HBB: variants seen among roughly 807,000 people sequenced by gnomAD.
HBB encodes the protein hemoglobin subunit beta, also known as Hb Monza protein.
Under a neutral mutation model 9.7 loss-of-function variants are expected in HBB, and 18 were observed. The ratio of observed to expected loss-of-function variants is 1.86; its 90% confidence interval spans 1.28 to 2.76. The LOEUF (loss-of-function observed/expected upper bound fraction) is 2.76, where lower values mean the gene tolerates loss of function less well. Ranked by LOEUF, HBB falls within the 30% of genes most tolerant of loss-of-function variation. The pLI is 0.00. For missense variants in HBB, 156 were observed against 177.0 expected (o/e 0.88, Z 0.67); for synonymous variants, 99 against 73.6 (o/e 1.35, Z -1.77).
chr11:5,226,642 C>A lies in HBB; in HGVS notation c.250G>T (p.Gly84Cys), dbSNP rs33930385. 1 of 1,614,094 alleles carries A rather than the reference C, an allele frequency of 6.2e-7. No homozygotes were observed. Among genetic ancestry groups the A allele is most frequent in the Non-Finnish European group, 8.5e-7 (1 of 1,180,020 alleles). The change falls in exon 2 of 3, where the codon GGC (glycine) becomes TGC (cysteine). Residue 84 changes from glycine to cysteine, a missense_variant. Transcript: ENST00000335295. ...AGCTCACTCAGTGTGGCAAAGGTGC[C>A]CTTGAGGTTGTCCAGGTGAGCCAGG... Reference protein sequence around the residue: ...DGLAHLDNLKGTFATLSELHC... With the variant: ...DGLAHLDNLKCTFATLSELHC...
In HBB at chr11:5,226,372, AG is replaced by A; in HGVS notation, c.315+204del. 1.6e-6 allele frequency: 1 copy of A among 618,106 alleles called. No individual in the cohort carries two copies. The highest frequency in any genetic ancestry group is 2.8e-6 in the Non-Finnish European group (1 of 353,266). 38.3% of individuals were successfully genotyped at this position (618,106 alleles called of 1,614,324 possible). On this transcript the variant is annotated intron_variant, in intron 2 of 2. Coordinates refer to ENST00000335295, the MANE Select transcript of HBB (RefSeq NM_000518.5). ...TAAAAATTGCGGAGAAGAAAAAAAA[AG>A]AAAGCAAGAATTAAACAAAAGAAAA... is the stretch of plus-strand genomic sequence containing the variant.
chr11:5,226,049 A>G lies in HBB; in HGVS notation c.316-323T>C, dbSNP rs1589891857. On this transcript the variant is annotated intron_variant, in intron 2 of 2. Coordinates refer to ENST00000335295, the MANE Select transcript of HBB (RefSeq NM_000518.5). ...TTAGAAATAAGATAAACAAAAAAGT[A>G]TATTAAAAGAAGAAAGCATTTTTTA... 6.6e-6 allele frequency among the ~76,000 whole-genome samples: 1 copy of G among 152,198 alleles called. No homozygotes were observed. Among genetic ancestry groups the G allele is most frequent in the African/African-American group, 2.4e-5 (1 of 41,442 alleles).
In HBB at chr11:5,225,678, C is replaced by A. The variant is rs33946267; in HGVS notation, c.364G>T (p.Glu122Ter). ...VCVLAHHFGK[E>*]FTPPVQAAYQ... ...GCAGCCTGCACTGGTGGGGTGAATT[C>A]TTTGCCAAAGTGATGGGCCAGCACA... Residue 122 changes from glutamate (E) to a stop codon, truncating the protein, a stop_gained, in exon 3 of 3, where the codon GAA (glutamate) becomes TAA (stop). Coordinates refer to ENST00000335295, the MANE Select transcript of HBB (RefSeq NM_000518.5). LOFTEE classifies it high-confidence loss of function. The A allele has an allele frequency of 1.2e-6, 2 of 1,614,098 alleles. No homozygotes were observed. Among genetic ancestry groups the A allele is most frequent in the Non-Finnish European group, 1.7e-6 (2 of 1,179,974 alleles).
Position 5,227,013 on chromosome 11 carries a change from A to T in HBB, c.9T>A (p.His3Gln), listed in dbSNP as rs713040. 2 of 1,607,340 alleles carry T rather than the reference A, an allele frequency of 1.2e-6. No individual in the cohort carries two copies. The highest frequency in any genetic ancestry group is 1.7e-6 in the Non-Finnish European group (2 of 1,173,980). Residue 3 changes from histidine to glutamine, a missense_variant, in exon 1 of 3, where the codon CAT (histidine) becomes CAA (glutamine). Coordinates refer to ENST00000335295, the MANE Select transcript of HBB (RefSeq NM_000518.5). Reference sequence around the variant, plus strand: ...CGGCAGACTTCTCCTCAGGAGTCAGATGCACCATGGTGTCTGTTTGAGGTT... The same window carrying T: ...CGGCAGACTTCTCCTCAGGAGTCAGTTGCACCATGGTGTCTGTTTGAGGTT... MV[H>Q]LTPEEKSAVT... is the part of the protein sequence containing the mutation.
In HBB at chr11:5,226,674, C is replaced by CT. The variant is rs33969853; in HGVS notation, c.217dup (p.Ser73LysfsTer2). On this transcript the variant is annotated frameshift_variant, in exon 2 of 3. Transcript: ENST00000335295. LOFTEE classifies it high-confidence loss of function. The stretch of plus-strand genomic sequence containing the variant: ...GTTGTCCAGGTGAGCCAGGCCATCA[C>CT]TAAAGGCACCGAGCACTTTCTTGCC... 1.2e-6 allele frequency: 2 copies of CT among 1,614,140 alleles called. No homozygotes were observed. The highest frequency in any genetic ancestry group is 4.5e-5 in the East Asian group (2 of 44,866).
Position 5,225,592 on chromosome 11 carries a change from G to T in HBB, c.*6C>A, listed in dbSNP as rs34809925. 1.2e-6 allele frequency: 2 copies of T among 1,614,102 alleles called. No homozygotes were observed. Among genetic ancestry groups the T allele is most frequent in the Non-Finnish European group, 1.7e-6 (2 of 1,179,954 alleles). The stretch of plus-strand genomic sequence containing the variant: ...TTAATAGAAATTGGACAGCAAGAAA[G>T]CGAGCTTAGTGATACTTGTGGGCCA... On this transcript the variant is annotated 3_prime_UTR_variant, in exon 3 of 3. Coordinates refer to ENST00000335295, the MANE Select transcript of HBB (RefSeq NM_000518.5).
rs1019464875 is a variant in HBB, at chr11:5,226,401, A to G, written c.315+176T>C. 1.5e-6 allele frequency: 1 copy of G among 655,320 alleles called. No individual in the cohort carries two copies. The highest frequency in any genetic ancestry group is 1.8e-5 in the African/African-American group (1 of 54,646). The allele number at this position is 655,320 out of a possible 1,614,324, so 40.6% of individuals were successfully genotyped here. A position where few individuals can be genotyped will look rare whatever the true frequency, so the allele number is the denominator to read the frequency against. On this transcript the variant is annotated intron_variant, in intron 2 of 2. Transcript: ENST00000335295. ...AGCAAGAATTAAACAAAAGAAAACA[A>G]TTGTTATGAACAGCAAATAAAAGAA... is the stretch of plus-strand genomic sequence containing the variant.
Position 5,226,627 on chromosome 11 carries a change from G to T in HBB, c.265C>A (p.Leu89Met). The stretch of plus-strand genomic sequence containing the variant: ...AGCTTGTCACAGTGCAGCTCACTCA[G>T]TGTGGCAAAGGTGCCCTTGAGGTTG... ...LDNLKGTFAT[L>M]SELHCDKLHV... Residue 89 changes from leucine to methionine, a missense_variant, in exon 2 of 3, where the codon CTG (leucine) becomes ATG (methionine). Physicochemically the swap from Leu to Met is conservative, Grantham distance 15. Transcript: ENST00000335295. 6.2e-7 allele frequency: 1 copy of T among 1,614,140 alleles called. No individual in the cohort carries two copies. Among genetic ancestry groups the T allele is most frequent in the Non-Finnish European group, 8.5e-7 (1 of 1,180,024 alleles).
chr11:5,225,816 TA>T lies in HBB; in HGVS notation c.316-91del, dbSNP rs2133586557. 1.5e-6 allele frequency: 2 copies of T among 1,374,098 alleles called. No individual in the cohort carries two copies. The highest frequency in any genetic ancestry group is 1.7e-5 in the Admixed American group (1 of 59,376). 85.1% of individuals were successfully genotyped at this position (1,374,098 alleles called of 1,614,324 possible). ...ATCCAGCCTTATCCCAACCATAAAA[TA>T]AAAGCAGAATGGTAGCTGGATTGTA... On this transcript the variant is annotated intron_variant, in intron 2 of 2. Coordinates refer to ENST00000335295, the MANE Select transcript of HBB (RefSeq NM_000518.5).
chr11:5,225,836 G>T, intron 2 of HBB, 110 bp from the exon 3 acceptor site: 1 of 1,062,322 alleles, frequency 9.4e-7, no homozygotes, highest in Non-Finnish European at 1.5e-6. Flanking sequence ...ATGGTAGCTG[G>T]ATTGTAGCTG....
In HBB at chr11:5,226,578, C is replaced by T. The variant is rs33911434; in HGVS notation, c.314G>A (p.Arg105Lys). The T allele has an allele frequency of 3.1e-6, 5 of 1,614,034 alleles. No homozygotes were observed. Among genetic ancestry groups the T allele is most frequent in the Middle Eastern group, 1.6e-4 (1 of 6,062 alleles). ...ACATCAAGCGTCCCATAGACTCACC[C>T]TGAAGTTCTCAGGATCCACGTGCAG... ...DKLHVDPENF[R>K]LLGNVLVCVL... Residue 105 changes from arginine to lysine, a missense_variant and splice_region_variant, in exon 2 of 3, where the codon AGG becomes AAG. Coordinates refer to ENST00000335295, the MANE Select transcript of HBB (RefSeq NM_000518.5).
chr11:5,226,589 A>C lies in HBB; in HGVS notation c.303T>G (p.Pro101=), dbSNP rs768336186. ...ELHCDKLHVD[P]ENFRLLGNVL... is the part of the protein sequence containing the mutation. ...CCCATAGACTCACCCTGAAGTTCTC[A>C]GGATCCACGTGCAGCTTGTCACAGT... The change falls in exon 2 of 3, where the codon CCT becomes CCG. Residue 101 remains proline (P), a synonymous_variant. Coordinates refer to ENST00000335295, the MANE Select transcript of HBB (RefSeq NM_000518.5). The C allele has an allele frequency of 1.9e-6, 3 of 1,614,124 alleles. No individual in the cohort carries two copies. The South Asian group carries it at 3.3e-5, about 18-fold the overall frequency.
Position 5,226,814 on chromosome 11 carries a change from A to C in HBB, c.93-15T>G, listed in dbSNP as rs35456885. On this transcript the variant is annotated splice_polypyrimidine_tract_variant and intron_variant, in intron 1 of 2. Coordinates refer to ENST00000335295, the MANE Select transcript of HBB (RefSeq NM_000518.5). ...CCACCAGCAGCCTAAGGGTGGGAAA[A>C]TAGACCAATAGGCAGAGAGAGTCAG... 1 of 1,611,236 alleles carries C rather than the reference A, an allele frequency of 6.2e-7. No homozygotes were observed. The highest frequency in any genetic ancestry group is 8.5e-7 in the Non-Finnish European group (1 of 1,177,360).
At position 5,227,004 on chromosome 11, in the gene HBB, A is replaced by G. The variant is rs2133589583; in HGVS notation, c.18T>C (p.Pro6=). The G allele has an allele frequency of 6.2e-7, 1 of 1,611,026 alleles. No homozygotes were observed. Among genetic ancestry groups the G allele is most frequent in the Non-Finnish European group, 8.5e-7 (1 of 1,177,222 alleles). Residue 6 remains proline (P), a synonymous_variant, in exon 1 of 3, where the codon CCT becomes CCC. Coordinates refer to ENST00000335295, the MANE Select transcript of HBB (RefSeq NM_000518.5). MVHLT[P]EEKSAVTALW... is the part of the protein sequence containing the mutation. ...GGGCAGTAACGGCAGACTTCTCCTCAGGAGTCAGATGCACCATGGTGTCTG... is the reference window on the plus strand; with the variant it reads ...GGGCAGTAACGGCAGACTTCTCCTCGGGAGTCAGATGCACCATGGTGTCTG...
chr11:5,227,008 G>C lies in HBB; in HGVS notation c.14C>G (p.Thr5Ser). 6.2e-7 allele frequency: 1 copy of C among 1,609,922 alleles called. No individual in the cohort carries two copies. Among genetic ancestry groups the C allele is most frequent in the Non-Finnish European group, 8.5e-7 (1 of 1,176,156 alleles). The change falls in exon 1 of 3, where the codon ACT (threonine) becomes AGT (serine). Residue 5 changes from threonine to serine, a missense_variant. By Grantham distance (58) the Thr-to-Ser change is moderately conservative. Coordinates refer to ENST00000335295, the MANE Select transcript of HBB (RefSeq NM_000518.5). MVHL[T>S]PEEKSAVTAL... is the part of the protein sequence containing the mutation. ...AGTAACGGCAGACTTCTCCTCAGGA[G>C]TCAGATGCACCATGGTGTCTGTTTG...
chr11:5,226,554 C>T lies in HBB; in HGVS notation c.315+23G>A, dbSNP rs1320802438. On this transcript the variant is annotated intron_variant, in intron 2 of 2. Coordinates refer to ENST00000335295, the MANE Select transcript of HBB (RefSeq NM_000518.5). The stretch of plus-strand genomic sequence containing the variant: ...CCATAGAAAAGAAGGGGAAAGAAAA[C>T]ATCAAGCGTCCCATAGACTCACCCT... The T allele has an allele frequency of 3.1e-6, 5 of 1,606,706 alleles. No individual in the cohort carries two copies. The highest frequency in any genetic ancestry group is 1.3e-5 in the African/African-American group (1 of 74,900).
rs1205031264 is a variant in HBB, at chr11:5,226,804, G to A, written c.93-5C>T. The A allele has an allele frequency of 1.2e-6, 2 of 1,613,386 alleles. No homozygotes were observed. Among genetic ancestry groups the A allele is most frequent in the Non-Finnish European group, 1.7e-6 (2 of 1,179,334 alleles). On this transcript the variant is annotated splice_polypyrimidine_tract_variant and splice_region_variant and intron_variant, in intron 1 of 2. Coordinates refer to ENST00000335295, the MANE Select transcript of HBB (RefSeq NM_000518.5). ...CAAGGGTAGACCACCAGCAGCCTAAGGGTGGGAAAATAGACCAATAGGCAG... is the reference window on the plus strand; with the variant it reads ...CAAGGGTAGACCACCAGCAGCCTAAAGGTGGGAAAATAGACCAATAGGCAG...
In HBB at chr11:5,226,061, GA is replaced by G. The variant is rs1251286087; in HGVS notation, c.316-336del. Among the ~76,000 whole-genome samples the G allele has an allele frequency of 6.6e-6, 1 of 151,988 alleles. No homozygotes were observed. The highest frequency in any genetic ancestry group is 1.5e-5 in the Non-Finnish European group (1 of 67,982). Reference sequence around the variant, plus strand: ...TAAACAAAAAAGTATATTAAAAGAAGAAAGCATTTTTTAAAATTACAAATGC... The same window carrying G: ...TAAACAAAAAAGTATATTAAAAGAAGAAGCATTTTTTAAAATTACAAATGC... On this transcript the variant is annotated intron_variant, in intron 2 of 2. Coordinates refer to ENST00000335295, the MANE Select transcript of HBB (RefSeq NM_000518.5).
rs35799536 is a variant in HBB, at chr11:5,226,989, G to A, written c.33C>T (p.Ala11=). The A allele has an allele frequency of 2.2e-5, 36 of 1,612,910 alleles. No homozygotes were observed. Among genetic ancestry groups the A allele is most frequent in the East Asian group, 2.2e-5 (1 of 44,876 alleles). The change falls in exon 1 of 3, where the codon GCC becomes GCT. Residue 11 remains alanine (A), a synonymous_variant. Transcript: ENST00000335295. The part of the protein sequence containing the change: MVHLTPEEKS[A]VTALWGKVNV... ...TCACCTTGCCCCACAGGGCAGTAACGGCAGACTTCTCCTCAGGAGTCAGAT... is the reference window on the plus strand; with the variant it reads ...TCACCTTGCCCCACAGGGCAGTAACAGCAGACTTCTCCTCAGGAGTCAGAT...
Sources: gnomAD v4.1 joint callset for allele counts (sites outside exome capture counted in the v4.1 genomes callset) on GRCh38, gnomAD v4.1.1 for gene constraint, MANE v1.5 for transcripts, NCBI Gene and HGNC (gene_info 2026-07-23, HGNC 2026-07-21) for gene names.